TBC1D22B: variants seen among roughly 807,000 people sequenced by gnomAD.
The protein encoded by TBC1D22B is TBC1 domain family member 22B.
A neutral mutation model predicts 69.1 loss-of-function variants in TBC1D22B; 32 were observed. The observed-to-expected ratio is 0.46, with a 90% CI of 0.35 to 0.62. The LOEUF (loss-of-function observed/expected upper bound fraction) is 0.62, where lower values mean the gene tolerates loss of function less well. TBC1D22B is among the 20% of genes least tolerant of loss of function. The pLI is 0.00. For synonymous variants in TBC1D22B, 206 were observed against 229.8 expected (o/e 0.90, Z 0.94); for missense variants, 462 against 630.9 (o/e 0.73, Z 2.87).
chr6:37,265,951 G>A (rs2113974105), intron 1 of TBC1D22B, among the ~76,000 whole-genome samples: 1 of 152,268 alleles, frequency 6.6e-6, no homozygotes, highest in South Asian at 2.1e-4. Flanking sequence ...TAAATGTTGA[G>A]TATGGATTAA....
At chr6:37,316,953 C>A in intron 11 of TBC1D22B, 123 bp downstream of exon 11, 1 of 1,547,736 alleles carries the variant, frequency 6.5e-7, no homozygotes, top group Non-Finnish European at 8.8e-7. Flanking sequence ...TCCATGTCTG[C>A]TTTAGCCTCA....
intron 1 of TBC1D22B, among the ~76,000 whole-genome samples, chr6:37,269,269 A>C (rs1305670173): frequency 6.6e-6 from 1 of 152,216 alleles, no homozygotes; most frequent in Non-Finnish European, 1.5e-5. Flanking sequence ...CTGGAAGTTC[A>C]TGGTGGTACT....
intron 8 of TBC1D22B, among the ~76,000 whole-genome samples, chr6:37,300,171 C>T (rs899531264): frequency 6.6e-5 from 10 of 151,824 alleles, no homozygotes; most frequent in African/African-American, 1.7e-4. Context: ...CTAATTATTT[C>T]GACACCATTT....
chr6:37,320,667 A>G (rs1768213140), intron 12 of TBC1D22B, among the ~76,000 whole-genome samples: 1 of 152,186 alleles, frequency 6.6e-6, no homozygotes, highest in South Asian at 2.1e-4. Flanking sequence ...AGCTGCGACA[A>G]AAGCCCCCAG....
At chr6:37,267,560 TAC>T (rs1439194851) in intron 1 of TBC1D22B, among the ~76,000 whole-genome samples, 97 of 145,318 alleles carry the variant, frequency 6.7e-4, no homozygotes, top group Admixed American at 2.4e-3. Context: ...CATATATATA[TAC>T]ACACACACAT....
At chr6:37,275,991 G>A (rs1350452308) in intron 2 of TBC1D22B, among the ~76,000 whole-genome samples, 3 of 145,878 alleles carry the variant, frequency 2.1e-5, no homozygotes, top group Admixed American at 6.9e-5. Context: ...TGGAGATGGA[G>A]TCTTGCTCTA....
intron 8 of TBC1D22B, among the ~76,000 whole-genome samples, chr6:37,310,463 G>C (rs113453276): frequency 0.032 from 4,823 of 152,244 alleles, 240 homozygotes; most frequent in African/African-American, 0.11. Flanking sequence ...GAGGTCAGGA[G>C]TTTGAGACAA....
chr6:37,324,774 A>G (rs577592525), intron 12 of TBC1D22B, among the ~76,000 whole-genome samples: 1 of 152,304 alleles, frequency 6.6e-6, no homozygotes, highest in South Asian at 2.1e-4. Flanking sequence ...CAGGCAGTAT[A>G]TAGTCTAGTA....
intron 1 of TBC1D22B, among the ~76,000 whole-genome samples, chr6:37,265,408 G>A (rs1766239188): frequency 6.6e-6 from 1 of 152,188 alleles, no homozygotes; most frequent in Admixed American, 6.5e-5. Context: ...GGCCTGTTGA[G>A]ATCTTCCTGC....
At chr6:37,305,969 G>A (rs929632901) in intron 8 of TBC1D22B, among the ~76,000 whole-genome samples, 1 of 152,296 alleles carries the variant, frequency 6.6e-6, no homozygotes, top group African/African-American at 2.4e-5. Flanking sequence ...GCTGCCTCCT[G>A]GCCCCATCTT....
At chr6:37,266,376 A>G (rs760877493) in intron 1 of TBC1D22B, among the ~76,000 whole-genome samples, 6 of 152,194 alleles carry the variant, frequency 3.9e-5, no homozygotes, top group African/African-American at 1.2e-4. Flanking sequence ...AAAGATTTTT[A>G]TAAAAATGGT....
rs531689872 is a variant in TBC1D22B at position 37,259,571 on chromosome 6, A to T, written c.56+1598A>T. On this transcript the variant is annotated intron_variant, in intron 1 of 12. Coordinates refer to ENST00000373491, the MANE Select transcript of TBC1D22B (RefSeq NM_017772.4). Reference sequence around the variant, plus strand: ...GCTATTAACAATCTTTTTTTCCTATATTTCCTGTATTTGGCTATAAGAACA... The same window carrying T: ...GCTATTAACAATCTTTTTTTCCTATTTTTCCTGTATTTGGCTATAAGAACA... Among the ~76,000 whole-genome samples, 133 of 152,214 alleles carry T rather than the reference A, an allele frequency of 8.7e-4. 3 individuals are homozygous for T. The South Asian group carries it at 0.026, about 30-fold the overall frequency.
intron 12 of TBC1D22B, among the ~76,000 whole-genome samples, chr6:37,325,494 A>T: frequency 1.4e-5 from 2 of 141,028 alleles, no homozygotes; most frequent in East Asian, 2.1e-4. Context: ...AAAGCTCCTG[A>T]TTTGTGATTA....
intron 4 of TBC1D22B, 71 bp downstream of exon 4, chr6:37,282,435 T>C: frequency 2.0e-6 from 3 of 1,467,742 alleles, no homozygotes; most frequent in Non-Finnish European, 2.7e-6. Context: ...TGGAAGCTAC[T>C]GCTCTTTATT....
chr6:37,282,039 T>C (rs781259175), intron 3 of TBC1D22B, 146 bp from the exon 4 acceptor site: 21 of 850,658 alleles, frequency 2.5e-5, no homozygotes, highest in Middle Eastern at 2.6e-4. Flanking sequence ...GGCCCCTCGC[T>C]GCCCTTCAGC....
At chr6:37,275,776 A>G (rs73419870) in intron 2 of TBC1D22B, among the ~76,000 whole-genome samples, 4,832 of 152,196 alleles carry the variant, frequency 0.032, 240 homozygotes, top group African/African-American at 0.11. Flanking sequence ...CAATATTTAT[A>G]TGTATTTATT....
Position 37,319,921 on chromosome 6 carries a change from G to A in TBC1D22B, c.1389+2715G>A, listed in dbSNP as rs190981352. On this transcript the variant is annotated intron_variant, in intron 12 of 12. Coordinates refer to ENST00000373491, the MANE Select transcript of TBC1D22B (RefSeq NM_017772.4). ...GAAAGTAGGCACATGTATCCTAACT[G>A]CTGAAGGGCTGCTTGTAGTGAAATC... is the stretch of plus-strand genomic sequence containing the variant. 3.2e-3 allele frequency among the ~76,000 whole-genome samples: 492 copies of A among 152,324 alleles called. 1 individual carries two copies. Among genetic ancestry groups the A allele is most frequent in the Non-Finnish European group, 5.5e-3 (373 of 68,026 alleles).
At chr6:37,278,992 T>A (rs1293435117) in intron 2 of TBC1D22B, among the ~76,000 whole-genome samples, 1 of 151,900 alleles carries the variant, frequency 6.6e-6, no homozygotes, top group African/African-American at 2.4e-5. Flanking sequence ...CTGGAAGTAA[T>A]CGCCTCATTT....
intron 8 of TBC1D22B, among the ~76,000 whole-genome samples, chr6:37,305,267 G>A (rs1422731886): frequency 6.6e-6 from 1 of 152,126 alleles, no homozygotes; most frequent in Non-Finnish European, 1.5e-5. Flanking sequence ...GTCTCAAGAG[G>A]CCATTCCTTT....
Sources: gnomAD v4.1 joint callset for allele counts (sites outside exome capture counted in the v4.1 genomes callset) on GRCh38, gnomAD v4.1.1 for gene constraint, MANE v1.5 for transcripts, NCBI Gene and HGNC (gene_info 2026-07-23, HGNC 2026-07-21) for gene names.